Variants in RAB11FIP4 observed in about 807,000 individuals in gnomAD.
The protein encoded by RAB11FIP4 is rab11 family-interacting protein 4.
Under a neutral mutation model 74.3 loss-of-function variants are expected in RAB11FIP4, and 23 were observed. The ratio of observed to expected loss-of-function variants is 0.31; its 90% CI spans 0.22 to 0.44. RAB11FIP4 has a LOEUF of 0.44. Among genes scored for constraint, RAB11FIP4 ranks in the 20% least tolerant of loss-of-function variants. RAB11FIP4 has a pLI of 1.00. For missense variants in RAB11FIP4, 630 were observed against 863.9 expected, an observed-to-expected ratio of 0.73 and a Z score of 3.39; for synonymous variants, 360 against 359.9, an observed-to-expected ratio of 1.00 and a Z score of 0.00.
intron 10 of RAB11FIP4, chr17:31,526,078 A>G (rs2072761901): frequency 6.6e-6 from 1 of 152,188 alleles, no homozygotes; most frequent in Admixed American, 6.5e-5. Context: ...GAGACTTCCC[A>G]ACTCCCCGGT....
At chr17:31,442,099 C>T (rs952564998) in intron 3 of RAB11FIP4, among the ~76,000 whole-genome samples, 19 of 151,502 alleles carry the variant, frequency 1.3e-4, no homozygotes, top group Non-Finnish European at 2.2e-4. Flanking sequence ...CCTGGGTTCA[C>T]GCCATTCTCC....
At chr17:31,413,560 A>G (rs1342877102) in intron 1 of RAB11FIP4, among the ~76,000 whole-genome samples, 2 of 146,304 alleles carry the variant, frequency 1.4e-5, no homozygotes. Flanking sequence ...GGCCTTGGCT[A>G]CCCTCTCCCT....
chr17:31,431,547 A>C, intron 1 of RAB11FIP4: 1 of 413,022 alleles, frequency 2.4e-6, no homozygotes, highest in Non-Finnish European at 4.3e-6. Flanking sequence ...CCCTGGGGGA[A>C]GGAGGCTCGG....
chr17:31,461,617 T>G (rs1376620678), intron 3 of RAB11FIP4, among the ~76,000 whole-genome samples: 1 of 152,120 alleles, frequency 6.6e-6, no homozygotes, highest in Admixed American at 6.6e-5. Context: ...CATGCGTGTC[T>G]CATCTGCAAA....
chr17:31,527,732 T>A, intron 10 of RAB11FIP4, 110 bp from the exon 11 acceptor site: 2 of 743,732 alleles, frequency 2.7e-6, no homozygotes, highest in Non-Finnish European at 4.4e-6. Flanking sequence ...CTCAGTTGGT[T>A]TCTGGTATCT....
intron 3 of RAB11FIP4, among the ~76,000 whole-genome samples, chr17:31,465,983 A>AAG (rs2071682231): frequency 7.1e-6 from 1 of 141,608 alleles, no homozygotes; most frequent in South Asian, 2.3e-4. Flanking sequence ...AAATTAAAAA[A>AAG]AAAAAAAAAA....
intron 3 of RAB11FIP4, among the ~76,000 whole-genome samples, chr17:31,471,825 G>A (rs554012910): frequency 6.6e-6 from 1 of 152,308 alleles, no homozygotes; most frequent in South Asian, 2.1e-4. Context: ...CTGAAACAGG[G>A]AGCCTTTTCA....
chr17:31,403,663 C>T (rs1346857630), intron 1 of RAB11FIP4, among the ~76,000 whole-genome samples: 1 of 152,142 alleles, frequency 6.6e-6, no homozygotes, highest in African/African-American at 2.4e-5. Flanking sequence ...TCACGGCAAC[C>T]AGGAGCCTCC....
intron 3 of RAB11FIP4, among the ~76,000 whole-genome samples, chr17:31,447,233 G>A (rs1173765058): frequency 6.6e-6 from 1 of 152,200 alleles, no homozygotes; most frequent in Non-Finnish European, 1.5e-5. Flanking sequence ...GCAATGAGCC[G>A]AGATTGTGCC....
chr17:31,425,171 TG>T (rs2071235816), intron 1 of RAB11FIP4, among the ~76,000 whole-genome samples: 1 of 152,176 alleles, frequency 6.6e-6, no homozygotes, highest in African/African-American at 2.4e-5. Flanking sequence ...CCCTGTAAAA[TG>T]GGAATAATAA....
At chr17:31,505,445 A>AATTAT (rs3074200) in intron 3 of RAB11FIP4, among the ~76,000 whole-genome samples, 1 of 91,806 alleles carries the variant, frequency 1.1e-5, no homozygotes, top group African/African-American at 4.7e-5. Flanking sequence ...ATTATATAAT[A>AATTAT]TATAATAATT....
At chr17:31,468,560 G>C (rs771436789) in intron 3 of RAB11FIP4, among the ~76,000 whole-genome samples, 2 of 152,314 alleles carry the variant, frequency 1.3e-5, no homozygotes, top group South Asian at 4.1e-4. Context: ...GCTGGGCACT[G>C]TGTCTCATGC....
intron 9 of RAB11FIP4, chr17:31,524,839 G>A (rs955966843): frequency 7.0e-6 from 4 of 568,522 alleles, no homozygotes; most frequent in African/African-American, 5.7e-5. Flanking sequence ...TGGTGGGGGC[G>A]GTCCCTCCCT....
Position 31,391,848 on chromosome 17 carries a change from C to G in RAB11FIP4, c.-5C>G. ...GGGTCCGGGCTGAGCTGCGGGCCGG[C>G]CCGGATGGCGGGCGGCGCGGGCTGG... On this transcript the variant is annotated 5_prime_UTR_variant, in exon 1 of 15. Transcript: ENST00000621161. 9.1e-7 allele frequency: 1 copy of G among 1,093,422 alleles called. No individual in the cohort carries two copies. 67.7% of individuals were successfully genotyped at this position (1,093,422 alleles called of 1,614,324 possible).
intron 3 of RAB11FIP4, among the ~76,000 whole-genome samples, chr17:31,468,290 G>A (rs2071704744): frequency 6.6e-6 from 1 of 152,078 alleles, no homozygotes; most frequent in Non-Finnish European, 1.5e-5. Context: ...ATGCAAAGCT[G>A]GCCTCAGGCA....
At chr17:31,414,618 C>G (rs1045809599) in intron 1 of RAB11FIP4, among the ~76,000 whole-genome samples, 4 of 152,216 alleles carry the variant, frequency 2.6e-5, no homozygotes, top group African/African-American at 9.7e-5. Flanking sequence ...ATGTCTCCAG[C>G]TGTGGCGGCT....
rs763162268 is a variant in RAB11FIP4, at chr17:31,522,043, C to A, written c.887C>A (p.Ala296Asp). 4 of 1,614,070 alleles carry A rather than the reference C, an allele frequency of 2.5e-6. No homozygotes were observed. Among genetic ancestry groups the A allele is most frequent in the Non-Finnish European group, 3.4e-6 (4 of 1,180,048 alleles). The change falls in exon 6 of 15, where the codon GCC (alanine) becomes GAC (aspartate). Residue 296 changes from alanine (A) to aspartate (D), a missense_variant. By Grantham distance (126) the Ala-to-Asp change is moderately radical. Coordinates refer to ENST00000621161, the MANE Select transcript of RAB11FIP4 (RefSeq NM_032932.6). ...GAAGCCCGACTGAAAAACCTGAAGGCCAACAGGTGAGGCCCAGGCCCAGCT... is the reference window on the plus strand; with the variant it reads ...GAAGCCCGACTGAAAAACCTGAAGGACAACAGGTGAGGCCCAGGCCCAGCT... Reference protein sequence around the residue: ...DLEARLKNLKANSPNRKISST... With the variant: ...DLEARLKNLKDNSPNRKISST...
chr17:31,430,396 C>T lies in RAB11FIP4; in HGVS notation c.160-1417C>T, dbSNP rs554540434. 3.5e-4 allele frequency among the ~76,000 whole-genome samples: 49 copies of T among 140,092 alleles called. No individual in the cohort carries two copies. The East Asian group carries it at 8.1e-3, about 23-fold the overall frequency. 91.9% of individuals were successfully genotyped at this position (140,092 alleles called of 152,430 possible). The stretch of plus-strand genomic sequence containing the variant: ...TTTTTGAGACAGAGTCTTGCTCAGT[C>T]GCCCAGGCTGGAGTGCAGTGGCGTG... On this transcript the variant is annotated intron_variant, in intron 1 of 14. Transcript: ENST00000621161.
chr17:31,504,949 A>T (rs2072289471), intron 3 of RAB11FIP4, among the ~76,000 whole-genome samples: 1 of 152,174 alleles, frequency 6.6e-6, no homozygotes, highest in Admixed American at 6.5e-5. Flanking sequence ...AACCTTTAGA[A>T]ATGCATCTTC....
Sources: gnomAD v4.1 joint callset for allele counts (sites outside exome capture counted in the v4.1 genomes callset) on GRCh38, gnomAD v4.1.1 for gene constraint, MANE v1.5 for transcripts, NCBI Gene and HGNC (gene_info 2026-07-23, HGNC 2026-07-21) for gene names.